Variants in IFT80 observed in about 807,000 individuals in gnomAD.
IFT80 encodes intraflagellar transport 80, also known as intraflagellar transport protein 80 homolog.
IFT80 carries 79 observed loss-of-function variants against 107.9 expected under a neutral mutation model. The observed-to-expected ratio is 0.73, with a 90% CI of 0.61 to 0.88. The LOEUF is 0.88. Ranked by LOEUF, IFT80 falls within the 40% of genes least tolerant of loss-of-function variation. IFT80 has a pLI of 0.00. For missense variants in IFT80, 797 were observed against 914.2 expected, an observed-to-expected ratio of 0.87 and a Z score of 1.65; for synonymous variants, 299 against 300.9, an observed-to-expected ratio of 0.99 and a Z score of 0.07.
intron 5 of IFT80, among the ~76,000 whole-genome samples, chr3:160,366,979 C>T (rs1721915917): frequency 6.6e-6 from 1 of 151,988 alleles, no homozygotes; most frequent in Non-Finnish European, 1.5e-5. Context: ...TCCATGGGTT[C>T]CATTGTTTTG....
chr3:160,393,142 A>AT (rs1252685660), intron 1 of IFT80, among the ~76,000 whole-genome samples: 4 of 152,332 alleles, frequency 2.6e-5, no homozygotes, highest in South Asian at 4.1e-4. Context: ...TCACCCAGAG[A>AT]TTTAAAGACA....
chr3:160,300,207 T>G (rs1245720802), intron 12 of IFT80, among the ~76,000 whole-genome samples: 1 of 152,132 alleles, frequency 6.6e-6, no homozygotes, highest in Non-Finnish European at 1.5e-5. Flanking sequence ...TATTAAATTT[T>G]AATTTTTATT....
intron 8 of IFT80, among the ~76,000 whole-genome samples, chr3:160,338,394 T>C (rs1719647299): frequency 6.6e-6 from 1 of 152,054 alleles, no homozygotes; most frequent in Non-Finnish European, 1.5e-5. Context: ...TAGGCTGTAA[T>C]CCACAAGGGA....
chr3:160,284,238 G>T (rs1329908071), intron 13 of IFT80, among the ~76,000 whole-genome samples: 1 of 151,600 alleles, frequency 6.6e-6, no homozygotes, highest in Non-Finnish European at 1.5e-5. Context: ...TTGTAAATTA[G>T]GAAATTCTTA....
intron 5 of IFT80, among the ~76,000 whole-genome samples, chr3:160,370,230 G>A (rs1282565660): frequency 6.6e-6 from 1 of 152,124 alleles, no homozygotes; most frequent in African/African-American, 2.4e-5. Context: ...TGCCTTGAAT[G>A]CAGTATCGGT....
chr3:160,304,564 T>A (rs910081695), intron 10 of IFT80, among the ~76,000 whole-genome samples: 1 of 151,336 alleles, frequency 6.6e-6, no homozygotes, highest in East Asian at 1.9e-4. Context: ...GCCTCCCGAG[T>A]AGCTGGGACT....
At chr3:160,346,563 G>A (rs557162674) in intron 8 of IFT80, among the ~76,000 whole-genome samples, 3 of 152,154 alleles carry the variant, frequency 2.0e-5, no homozygotes, top group Admixed American at 6.5e-5. Flanking sequence ...ATCATAATGT[G>A]GTAACTCTGG....
intron 12 of IFT80, 139 bp from the exon 13 acceptor site, chr3:160,286,007 T>G (rs1340146238): frequency 1.7e-6 from 1 of 585,016 alleles, no homozygotes; most frequent in East Asian, 2.9e-5. Flanking sequence ...CAATTTTAAT[T>G]TATTAATGTG....
chr3:160,291,837 T>C (rs1028682931), intron 12 of IFT80, among the ~76,000 whole-genome samples: 2 of 152,116 alleles, frequency 1.3e-5, no homozygotes, highest in African/African-American at 4.8e-5. Context: ...CCCTTCAAGG[T>C]TCAAAAGGTG....
At chr3:160,322,745 G>T (rs1401328039) in intron 8 of IFT80, among the ~76,000 whole-genome samples, 1 of 152,066 alleles carries the variant, frequency 6.6e-6, no homozygotes, top group Non-Finnish European at 1.5e-5. Flanking sequence ...GTGTGAGATG[G>T]TATCTCATTG....
chr3:160,380,147 C>T (rs1712359731), intron 3 of IFT80, among the ~76,000 whole-genome samples: 1 of 151,468 alleles, frequency 6.6e-6, no homozygotes, highest in Admixed American at 6.6e-5. Flanking sequence ...ATTCTCCTAT[C>T]TCAGCCTCCC....
chr3:160,274,847 G>C (rs1304751430), intron 18 of IFT80, among the ~76,000 whole-genome samples: 1 of 152,168 alleles, frequency 6.6e-6, no homozygotes, highest in South Asian at 2.1e-4. Flanking sequence ...TTAAACCCAG[G>C]AGGCAGAAGT....
intron 1 of IFT80, among the ~76,000 whole-genome samples, chr3:160,390,745 AG>A (rs1004062194): frequency 5.3e-5 from 8 of 152,246 alleles, no homozygotes; most frequent in African/African-American, 1.9e-4. Context: ...TGGCCACACA[AG>A]GCATTAATAA....
chr3:160,285,345 A>G (rs1715009274), intron 13 of IFT80, among the ~76,000 whole-genome samples: 1 of 152,242 alleles, frequency 6.6e-6, no homozygotes, highest in South Asian at 2.1e-4. Flanking sequence ...GCTAAAAATC[A>G]GAAACCAATA....
chr3:160,356,174 C>T (rs745490816), intron 7 of IFT80, 24 bp from the exon 8 acceptor site: 1 of 1,605,412 alleles, frequency 6.2e-7, no homozygotes, highest in South Asian at 1.1e-5. Flanking sequence ...TTTTAAAAAT[C>T]TTTTATAATA....
At chr3:160,394,250 T>C (rs2108424887) in intron 1 of IFT80, 1 of 152,348 alleles carries the variant, frequency 6.6e-6, no homozygotes, top group South Asian at 2.1e-4. Context: ...TAGGCCACAT[T>C]GGAGGAAGAA....
intron 8 of IFT80, among the ~76,000 whole-genome samples, chr3:160,327,613 G>A (rs1233120004): frequency 6.6e-6 from 1 of 152,154 alleles, no homozygotes; most frequent in Non-Finnish European, 1.5e-5. Context: ...TTAATAAATG[G>A]TGTTGGGAGA....
At chr3:160,306,948 T>C (rs747143759) in intron 10 of IFT80, among the ~76,000 whole-genome samples, 14 of 152,182 alleles carry the variant, frequency 9.2e-5, no homozygotes, top group Non-Finnish European at 8.8e-5. Context: ...CAATTTTATA[T>C]TCAATGACTA....
chr3:160,352,461 G>C (rs1720782895), intron 8 of IFT80, among the ~76,000 whole-genome samples: 1 of 151,968 alleles, frequency 6.6e-6, no homozygotes, highest in Non-Finnish European at 1.5e-5. Context: ...TTCTACAGTA[G>C]ACTAAGCATT....
Sources: gnomAD v4.1 joint callset for allele counts (sites outside exome capture counted in the v4.1 genomes callset) on GRCh38, gnomAD v4.1.1 for gene constraint, MANE v1.5 for transcripts, NCBI Gene and HGNC (gene_info 2026-07-23, HGNC 2026-07-21) for gene names.